The following NEK10 variants were observed in gnomAD, a reference collection of about 807,000 sequenced individuals.
NEK10 encodes NIMA related kinase 10.
Under a neutral mutation model 159.8 loss-of-function variants are expected in NEK10, and 122 were observed. The observed-to-expected ratio is 0.76, with a 90% CI of 0.66 to 0.89. The LOEUF (loss-of-function observed/expected upper bound fraction) is 0.89. Ranked by LOEUF, NEK10 falls within the 40% of genes least tolerant of loss-of-function variation. NEK10 has a pLI of 0.00. For missense variants in NEK10, 1,342 were observed against 1,323.1 expected (o/e 1.01, Z -0.22); for synonymous variants, 466 against 457.1 (o/e 1.02, Z -0.25).
chr3:27,302,436 G>A (rs1294978731), intron 12 of NEK10, among the ~76,000 whole-genome samples: 3 of 151,654 alleles, frequency 2.0e-5, no homozygotes, highest in African/African-American at 7.3e-5. Context: ...TTCTGTAGGT[G>A]TTATTCAGTC....
chr3:27,339,364 C>T (rs1259792836), intron 5 of NEK10, among the ~76,000 whole-genome samples: 1 of 152,104 alleles, frequency 6.6e-6, no homozygotes, highest in Non-Finnish European at 1.5e-5. Context: ...AAAAAACAAA[C>T]AACCCTATCA....
chr3:27,307,672 G>A (rs1355800121), intron 11 of NEK10, among the ~76,000 whole-genome samples, 187 bp downstream of exon 11: 2 of 152,066 alleles, frequency 1.3e-5, no homozygotes, highest in African/African-American at 4.8e-5. Context: ...AGTAATGCAG[G>A]ACTAAACATA....
At chr3:27,246,241 T>A (rs1955047650) in intron 23 of NEK10, among the ~76,000 whole-genome samples, 1 of 152,150 alleles carries the variant, frequency 6.6e-6, no homozygotes, top group African/African-American at 2.4e-5. Context: ...ACTTTTAGGT[T>A]CAGGGGTACA....
chr3:27,154,390 C>A (rs1945197354), intron 30 of NEK10, among the ~76,000 whole-genome samples: 1 of 152,116 alleles, frequency 6.6e-6, no homozygotes, highest in Non-Finnish European at 1.5e-5. Context: ...TGGTACCAAT[C>A]CTTCTGACAC....
Position 27,193,295 on chromosome 3 carries a change from C to T in NEK10, c.2292-1053G>A, listed in dbSNP as rs528874906. On this transcript the variant is annotated intron_variant, in intron 25 of 35. Transcript: ENST00000691995. Reference sequence around the variant, plus strand: ...CTTACTTGGACTACTGAAAGAGTCTCCTAAATAACACACTCATTTCTTGCC... The same window carrying T: ...CTTACTTGGACTACTGAAAGAGTCTTCTAAATAACACACTCATTTCTTGCC... Among the ~76,000 whole-genome samples, 3 of 152,288 alleles carry T rather than the reference C, an allele frequency of 2.0e-5. No individual in the cohort carries two copies. In the South Asian group the frequency reaches 6.2e-4, roughly 32 times the overall value.
intron 30 of NEK10, among the ~76,000 whole-genome samples, chr3:27,144,584 A>T (rs1484000438): frequency 6.6e-6 from 1 of 152,116 alleles, no homozygotes; most frequent in Non-Finnish European, 1.5e-5. Flanking sequence ...CACTGTGCCA[A>T]TCTGATTGCT....
chr3:27,127,944 T>C (rs1327473030), intron 32 of NEK10, among the ~76,000 whole-genome samples: 1 of 152,136 alleles, frequency 6.6e-6, no homozygotes, highest in East Asian at 1.9e-4. Context: ...ACAGGTCACT[T>C]TTCCTATGGA....
At chr3:27,157,061 T>C (rs1039701418) in intron 30 of NEK10, among the ~76,000 whole-genome samples, 2 of 149,190 alleles carry the variant, frequency 1.3e-5, no homozygotes, top group African/African-American at 4.9e-5. Context: ...ACTATTATTC[T>C]AAGTGAAGTA....
intron 22 of NEK10, among the ~76,000 whole-genome samples, chr3:27,282,066 G>A (rs1422413001): frequency 6.6e-6 from 1 of 152,172 alleles, no homozygotes; most frequent in Admixed American, 6.5e-5. Context: ...CAGCAATAAT[G>A]TAAACATTGA....
chr3:27,133,286 T>C (rs1942821306), intron 31 of NEK10, among the ~76,000 whole-genome samples: 1 of 152,152 alleles, frequency 6.6e-6, no homozygotes, highest in East Asian at 1.9e-4. Context: ...TTTACTCAAG[T>C]TTTGTCAGAC....
intron 6 of NEK10, among the ~76,000 whole-genome samples, chr3:27,321,155 CT>C (rs1172817354): frequency 7.8e-6 from 1 of 128,200 alleles, no homozygotes; most frequent in Non-Finnish European, 1.5e-5. Context: ...AAAGGAGACA[CT>C]TTTTCAGTTA....
At chr3:27,331,262 A>AACAAAAAAAAAC (rs1553639046) in intron 5 of NEK10, among the ~76,000 whole-genome samples, 1 of 110,082 alleles carries the variant, frequency 9.1e-6, no homozygotes, top group Non-Finnish European at 2.0e-5. Flanking sequence ...AAAAAAAAAA[A>AACAAAAAAAAAC]ACACACAAAC....
At chr3:27,346,986 T>C (rs2047599591) in intron 3 of NEK10, among the ~76,000 whole-genome samples, 1 of 152,210 alleles carries the variant, frequency 6.6e-6, no homozygotes, top group Non-Finnish European at 1.5e-5. Flanking sequence ...AACCCTAAGG[T>C]TTCTGATAAC....
chr3:27,298,046 C>T (rs927259383), intron 13 of NEK10, among the ~76,000 whole-genome samples: 8 of 152,122 alleles, frequency 5.3e-5, no homozygotes, highest in African/African-American at 1.9e-4. Context: ...AGGAACTTTC[C>T]CAAGGCCATA....
chr3:27,264,997 C>G (rs774342570), intron 22 of NEK10, among the ~76,000 whole-genome samples: 2 of 151,830 alleles, frequency 1.3e-5, no homozygotes, highest in Non-Finnish European at 2.9e-5. Flanking sequence ...GAAGGAAAAC[C>G]ATGATCATCT....
chr3:27,254,064 C>G (rs1030337512), intron 23 of NEK10, among the ~76,000 whole-genome samples: 2 of 152,138 alleles, frequency 1.3e-5, no homozygotes, highest in Non-Finnish European at 1.5e-5. Context: ...AACCTCTCAT[C>G]CGGTGCGCAG....
Position 27,118,670 on chromosome 3 carries a change from C to T in NEK10, c.3190+1090G>A, listed in dbSNP as rs1940851905. ...TTTTTGAGAGATTTTTATCAAAGTT[C>T]TTCATTTCATCAGAGTTTCTATGAT... is the stretch of plus-strand genomic sequence containing the variant. On this transcript the variant is annotated intron_variant, in intron 33 of 35. Transcript: ENST00000691995. 2.0e-5 allele frequency among the ~76,000 whole-genome samples: 3 copies of T among 152,156 alleles called. No individual in the cohort carries two copies. The South Asian group carries it at 6.2e-4, about 32-fold the overall frequency.
chr3:27,144,365 A>C (rs895488958), intron 30 of NEK10, among the ~76,000 whole-genome samples: 10 of 152,336 alleles, frequency 6.6e-5, no homozygotes, highest in African/African-American at 1.9e-4. Flanking sequence ...CATGATAATA[A>C]GTGATGCTGC....
chr3:27,327,689 A>T (rs1291029773), intron 5 of NEK10, among the ~76,000 whole-genome samples: 1 of 152,236 alleles, frequency 6.6e-6, no homozygotes, highest in Non-Finnish European at 1.5e-5. Context: ...GAACTGATGC[A>T]AATGGCAGAA....
Sources: gnomAD v4.1 joint callset for allele counts (sites outside exome capture counted in the v4.1 genomes callset) on GRCh38, gnomAD v4.1.1 for gene constraint, MANE v1.5 for transcripts, NCBI Gene and HGNC (gene_info 2026-07-23, HGNC 2026-07-21) for gene names.